The following ZNF580 variants were observed in gnomAD, a reference collection of about 807,000 sequenced individuals.
ZNF580 encodes LDL-induced EC protein.
A neutral mutation model predicts 1.3 loss-of-function variants in ZNF580; 1 was observed. The observed-to-expected ratio is 0.77, with a 90% CI of 0.27 to 3.65. The LOEUF (loss-of-function observed/expected upper bound fraction) is 3.65, where lower values mean the gene tolerates loss of function less well. Ranked by LOEUF, ZNF580 falls within the 30% of genes most tolerant of loss-of-function variation. ZNF580 has a pLI of 0.19. For missense variants in ZNF580, 268 were observed against 272.3 expected, an observed-to-expected ratio of 0.98 and a Z score of 0.11; for synonymous variants, 135 against 128.8, an observed-to-expected ratio of 1.05 and a Z score of -0.32.
At chr19:55,642,415 T>A in intron 1 of ZNF580, 82 bp from the exon 2 acceptor site, 1 of 1,375,274 alleles carries the variant, frequency 7.3e-7, no homozygotes, top group Non-Finnish European at 9.4e-7. Context: ...CAAGCAGTGA[T>A]AGTGGGGATG....
intron 1 of ZNF580, chr19:55,642,113 G>C: frequency 1.3e-5 from 13 of 1,004,848 alleles, no homozygotes; most frequent in Non-Finnish European, 1.5e-5. Context: ...GAGAAATCTC[G>C]GCGGTCAGGA....
chr19:55,643,258 G>A lies in ZNF580; in HGVS notation c.*231G>A. ...CCCTCCCTGGGCCTGGGAACCAGTC[G>A]GAACTGGGTTCCAGTCCAGCTGTGC... is the stretch of plus-strand genomic sequence containing the variant. On this transcript the variant is annotated 3_prime_UTR_variant, in exon 2 of 2. Transcript: ENST00000325333. The A allele has an allele frequency of 3.4e-6, 2 of 582,588 alleles. No individual in the cohort carries two copies. The highest frequency in any genetic ancestry group is 5.3e-6 in the Non-Finnish European group (2 of 379,880). The allele number at this position is 582,588 out of a possible 1,614,324, so 36.1% of individuals were successfully genotyped here. A position where few individuals can be genotyped will look rare whatever the true frequency, so the allele number is the denominator to read the frequency against.
At chr19:55,642,413 G>C in intron 1 of ZNF580, 84 bp from the exon 2 acceptor site, 1 of 1,374,106 alleles carries the variant, frequency 7.3e-7, no homozygotes, top group Non-Finnish European at 9.4e-7. Flanking sequence ...AACAAGCAGT[G>C]ATAGTGGGGA....
In ZNF580 at chr19:55,642,579, C is replaced by A. The variant is rs371800796; in HGVS notation, c.71C>A (p.Pro24His). The A allele has an allele frequency of 5.5e-6, 8 of 1,450,624 alleles. No homozygotes were observed. The highest frequency in any genetic ancestry group is 3.7e-4 in the Middle Eastern group (2 of 5,386). 89.9% of individuals were successfully genotyped at this position (1,450,624 alleles called of 1,614,324 possible). A position where few individuals can be genotyped will look rare whatever the true frequency, so the allele number is the denominator to read the frequency against. ...CCGGAGGCCATGGACCCACCGCCCC[C>A]CAAGGCTCCCCCTTTCCCCAAGGCG... is the stretch of plus-strand genomic sequence containing the variant. ...SSPEAMDPPPPKAPPFPKAEG... is the reference protein window; with the variant it reads ...SSPEAMDPPPHKAPPFPKAEG... The change falls in exon 2 of 2, where the codon CCC (proline) becomes CAC (histidine). Residue 24 changes from proline (P) to histidine (H), a missense_variant. By Grantham distance (77) the Pro-to-His change is moderately conservative. Coordinates refer to ENST00000325333, the MANE Select transcript of ZNF580 (RefSeq NM_207115.2).
chr19:55,641,181 G>A lies in ZNF580; in HGVS notation c.-15G>A. On this transcript the variant is annotated splice_region_variant and 5_prime_UTR_variant, in exon 1 of 2. Coordinates refer to ENST00000325333, the MANE Select transcript of ZNF580 (RefSeq NM_207115.2). Reference sequence around the variant, plus strand: ...CTCCGGACCCGAGAGGCCGCCGCACGGGGTACGGGGGCCGGGATGGAGGGA... The same window carrying A: ...CTCCGGACCCGAGAGGCCGCCGCACAGGGTACGGGGGCCGGGATGGAGGGA... 1 of 985,346 alleles carries A rather than the reference G, an allele frequency of 1.0e-6. No individual in the cohort carries two copies. Among genetic ancestry groups the A allele is most frequent in the Non-Finnish European group, 1.2e-6 (1 of 829,872 alleles). The allele number at this position is 985,346 out of a possible 1,614,324, so 61.0% of individuals were successfully genotyped here.
chr19:55,642,736 G>C lies in ZNF580; in HGVS notation c.228G>C (p.Pro76=), dbSNP rs1332195286. The C allele has an allele frequency of 6.6e-7, 1 of 1,516,140 alleles. No individual in the cohort carries two copies. Among genetic ancestry groups the C allele is most frequent in the Middle Eastern group, 2.2e-4 (1 of 4,598 alleles). The allele number at this position is 1,516,140 out of a possible 1,614,324, so 93.9% of individuals were successfully genotyped here. A position where few individuals can be genotyped will look rare whatever the true frequency, so the allele number is the denominator to read the frequency against. ...AGCTGGAGGAGGAGCCCCGGGGCCC[G>C]CCCCAGCGCGAGGCGCCCCCAGGAG... ...TVQLEEEPRG[P]PQREAPPGEP... Residue 76 remains proline, a synonymous_variant, in exon 2 of 2, where the codon CCG becomes CCC. Transcript: ENST00000325333.
Position 55,642,976 on chromosome 19 carries a change from A to G in ZNF580, c.468A>G (p.Pro156=). ...AGPPHTCPLC[P]RRFQDAAELA... is the part of the protein sequence containing the mutation. Reference sequence around the variant, plus strand: ...CGCCGCACACCTGCCCGCTCTGCCCACGCCGCTTCCAGGACGCCGCGGAGC... The same window carrying G: ...CGCCGCACACCTGCCCGCTCTGCCCGCGCCGCTTCCAGGACGCCGCGGAGC... The change falls in exon 2 of 2, where the codon CCA becomes CCG. Residue 156 remains proline (P), a synonymous_variant. Transcript: ENST00000325333. 2 of 1,379,674 alleles carry G rather than the reference A, an allele frequency of 1.4e-6. No individual in the cohort carries two copies. The highest frequency in any genetic ancestry group is 1.9e-6 in the Non-Finnish European group (2 of 1,068,714). 85.5% of individuals were successfully genotyped at this position (1,379,674 alleles called of 1,614,324 possible).
rs1982587320 is a variant in ZNF580, at chr19:55,642,619, C to T, written c.111C>T (p.Ser37=). ...TCCCCAAGGCGGAAGGCCCCTCCTC[C>T]ACTCCTTCCTCGGCGGCGGGGCCCC... ...PPFPKAEGPS[S]TPSSAAGPRP... The change falls in exon 2 of 2, where the codon TCC becomes TCT. Residue 37 remains serine (S), a synonymous_variant. Transcript: ENST00000325333. 4 of 1,461,720 alleles carry T rather than the reference C, an allele frequency of 2.7e-6. No homozygotes were observed. The highest frequency in any genetic ancestry group is 3.6e-6 in the Non-Finnish European group (4 of 1,108,480). 90.5% of individuals were successfully genotyped at this position (1,461,720 alleles called of 1,614,324 possible).
chr19:55,641,054 C>T lies in ZNF580; in HGVS notation c.-142C>T, dbSNP rs1600043243. 3 of 985,270 alleles carry T rather than the reference C, an allele frequency of 3.0e-6. No individual in the cohort carries two copies. The highest frequency in any genetic ancestry group is 1.2e-6 in the Non-Finnish European group (1 of 829,872). 61.0% of individuals were successfully genotyped at this position (985,270 alleles called of 1,614,324 possible). On this transcript the variant is annotated 5_prime_UTR_variant, in exon 1 of 2. Coordinates refer to ENST00000325333, the MANE Select transcript of ZNF580 (RefSeq NM_207115.2). Reference sequence around the variant, plus strand: ...CTCGCACCCCCGCGCCCCCAGTCCCCGCGTCCCCGGCGCCGCCGGCCCGGA... The same window carrying T: ...CTCGCACCCCCGCGCCCCCAGTCCCTGCGTCCCCGGCGCCGCCGGCCCGGA...
intron 1 of ZNF580, chr19:55,641,997 C>T: frequency 2.2e-6 from 2 of 912,260 alleles, no homozygotes; most frequent in Non-Finnish European, 1.2e-6. Context: ...GACGGAGGGC[C>T]AGGAGGCCGA....
chr19:55,642,349 C>G, intron 1 of ZNF580, 148 bp from the exon 2 acceptor site: 1 of 1,270,790 alleles, frequency 7.9e-7, no homozygotes, highest in Admixed American at 4.2e-5. Flanking sequence ...GAGAGCCGGG[C>G]TGGAGTCACA....
chr19:55,641,425 C>A (rs978408853), intron 1 of ZNF580, among the ~76,000 whole-genome samples: 1 of 152,162 alleles, frequency 6.6e-6, no homozygotes, highest in South Asian at 2.1e-4. Flanking sequence ...AACGCCCGGG[C>A]GCTGGGGTTC....
chr19:55,642,750 C>T lies in ZNF580; in HGVS notation c.242C>T (p.Ala81Val). 1 of 1,529,076 alleles carries T rather than the reference C, an allele frequency of 6.5e-7. No homozygotes were observed. Among genetic ancestry groups the T allele is most frequent in the Non-Finnish European group, 8.8e-7 (1 of 1,142,190 alleles). The allele number at this position is 1,529,076 out of a possible 1,614,324, so 94.7% of individuals were successfully genotyped here. ...CCCCGGGGCCCGCCCCAGCGCGAGGCGCCCCCAGGAGAGCCCGGCCCTCGC... is the reference window on the plus strand; with the variant it reads ...CCCCGGGGCCCGCCCCAGCGCGAGGTGCCCCCAGGAGAGCCCGGCCCTCGC... ...EEPRGPPQRE[A>V]PPGEPGPRKG... Residue 81 changes from alanine (A) to valine (V), a missense_variant, in exon 2 of 2, where the codon GCG becomes GTG. Ala to Val is a moderately conservative substitution (Grantham distance 64). Coordinates refer to ENST00000325333, the MANE Select transcript of ZNF580 (RefSeq NM_207115.2).
In ZNF580 at chr19:55,642,556, G is replaced by A. The variant is rs1203419624; in HGVS notation, c.48G>A (p.Pro16=). 5.5e-6 allele frequency: 8 copies of A among 1,450,970 alleles called. No individual in the cohort carries two copies. Among genetic ancestry groups the A allele is most frequent in the Non-Finnish European group, 7.2e-6 (8 of 1,104,684 alleles). The allele number at this position is 1,450,970 out of a possible 1,614,324, so 89.9% of individuals were successfully genotyped here. The change falls in exon 2 of 2, where the codon CCG becomes CCA. Residue 16 remains proline (P), a synonymous_variant. Coordinates refer to ENST00000325333, the MANE Select transcript of ZNF580 (RefSeq NM_207115.2). ...PRPPHPRSSS[P]EAMDPPPPKA... The stretch of plus-strand genomic sequence containing the variant: ...CACCCCACCCTCGGTCCTCCTCTCC[G>A]GAGGCCATGGACCCACCGCCCCCCA...
chr19:55,642,505 C>G lies in ZNF580; in HGVS notation c.-4C>G. 7.0e-7 allele frequency: 1 copy of G among 1,437,966 alleles called. No individual in the cohort carries two copies. Among genetic ancestry groups the G allele is most frequent in the African/African-American group, 1.5e-5 (1 of 67,246 alleles). The allele number at this position is 1,437,966 out of a possible 1,614,324, so 89.1% of individuals were successfully genotyped here. ...CCCTCCGCCGCTCCCAGCTGCCGCT[C>G]CAGATGCTGCTGCTGCCGCCGCGGC... is the stretch of plus-strand genomic sequence containing the variant. On this transcript the variant is annotated 5_prime_UTR_variant, in exon 2 of 2. Coordinates refer to ENST00000325333, the MANE Select transcript of ZNF580 (RefSeq NM_207115.2).
In ZNF580 at chr19:55,643,255, G is replaced by A; in HGVS notation, c.*228G>A. On this transcript the variant is annotated 3_prime_UTR_variant, in exon 2 of 2. Coordinates refer to ENST00000325333, the MANE Select transcript of ZNF580 (RefSeq NM_207115.2). ...TGCCCCTCCCTGGGCCTGGGAACCA[G>A]TCGGAACTGGGTTCCAGTCCAGCTG... 1 of 600,094 alleles carries A rather than the reference G, an allele frequency of 1.7e-6. No homozygotes were observed. 37.2% of individuals were successfully genotyped at this position (600,094 alleles called of 1,614,324 possible).
chr19:55,643,260 A>T lies in ZNF580; in HGVS notation c.*233A>T. The T allele has an allele frequency of 1.7e-6, 1 of 572,370 alleles. No homozygotes were observed. Among genetic ancestry groups the T allele is most frequent in the Non-Finnish European group, 2.7e-6 (1 of 370,540 alleles). 35.5% of individuals were successfully genotyped at this position (572,370 alleles called of 1,614,324 possible). On this transcript the variant is annotated 3_prime_UTR_variant, in exon 2 of 2. Transcript: ENST00000325333. ...CTCCCTGGGCCTGGGAACCAGTCGGAACTGGGTTCCAGTCCAGCTGTGCTG... is the reference window on the plus strand; with the variant it reads ...CTCCCTGGGCCTGGGAACCAGTCGGTACTGGGTTCCAGTCCAGCTGTGCTG...
rs1177368044 is a variant in ZNF580 at position 55,643,233 on chromosome 19, C to T, written c.*206C>T. The T allele has an allele frequency of 5.6e-6, 5 of 891,808 alleles. No homozygotes were observed. The highest frequency in any genetic ancestry group is 3.5e-5 in the African/African-American group (2 of 56,888). 55.2% of individuals were successfully genotyped at this position (891,808 alleles called of 1,614,324 possible). A position where few individuals can be genotyped will look rare whatever the true frequency, so the allele number is the denominator to read the frequency against. The stretch of plus-strand genomic sequence containing the variant: ...GTGTGATGTAGACCAAAGTCGTTGC[C>T]CCTCCCTGGGCCTGGGAACCAGTCG... On this transcript the variant is annotated 3_prime_UTR_variant, in exon 2 of 2. Transcript: ENST00000325333.
rs1326574847 is a variant in ZNF580 at position 55,642,489 on chromosome 19, G to C, written c.-12-8G>C. On this transcript the variant is annotated splice_polypyrimidine_tract_variant and splice_region_variant and intron_variant, in intron 1 of 1. Transcript: ENST00000325333. ...AATTTTAACTAATCTCCCCTCCGCCGCTCCCAGCTGCCGCTCCAGATGCTG... is the reference window on the plus strand; with the variant it reads ...AATTTTAACTAATCTCCCCTCCGCCCCTCCCAGCTGCCGCTCCAGATGCTG... 2.1e-6 allele frequency: 3 copies of C among 1,421,238 alleles called. No individual in the cohort carries two copies. The allele number at this position is 1,421,238 out of a possible 1,614,324, so 88.0% of individuals were successfully genotyped here.
Sources: allele counts gnomAD v4.1 joint callset (sites outside exome capture counted in the v4.1 genomes callset), GRCh38; gene constraint gnomAD v4.1.1; transcripts MANE v1.5; gene names NCBI Gene and HGNC (gene_info 2026-07-23, HGNC 2026-07-21).